Variants in IL12RB2 observed in about 807,000 individuals in gnomAD.
The protein encoded by IL12RB2 is interleukin-12 receptor subunit beta-2.
Under a neutral mutation model 89.4 loss-of-function variants are expected in IL12RB2, and 82 were observed. The observed-to-expected ratio is 0.92, with a 90% CI of 0.77 to 1.10. The LOEUF (loss-of-function observed/expected upper bound fraction) is 1.10. IL12RB2 is among the 50% of genes least tolerant of loss of function. The pLI, the probability that IL12RB2 is intolerant of heterozygous loss-of-function variation, is 0.00. For synonymous variants in IL12RB2, 368 were observed against 370.1 expected (o/e 0.99, Z 0.07); for missense variants, 963 against 1,031.9 (o/e 0.93, Z 0.92).
At chr1:67,320,990 C>T (rs1173081208) in intron 3 of IL12RB2, among the ~76,000 whole-genome samples, 1 of 150,366 alleles carries the variant, frequency 6.7e-6, no homozygotes, top group Admixed American at 6.7e-5. Flanking sequence ...AGAACATCCG[C>T]TGTTTGGTTT....
rs1267968620 is a variant in IL12RB2 at position 67,398,714 on chromosome 1, T to C, written c.*2625T>C. 6.6e-6 allele frequency among the ~76,000 whole-genome samples: 1 copy of C among 152,140 alleles called. No homozygotes were observed. The highest frequency in any genetic ancestry group is 1.5e-5 in the Non-Finnish European group (1 of 68,026). The stretch of plus-strand genomic sequence containing the variant: ...GCTACCAATAAAAAAGTAAGCATCA[T>C]GAACCCAAAAGTATCTGAGAAAGGT... On this transcript the variant is annotated 3_prime_UTR_variant, in exon 17 of 17. Transcript: ENST00000674203.
Position 67,358,690 on chromosome 1 carries a change from T to C in IL12RB2, c.1258+7601T>C, listed in dbSNP as rs192831236. ...GGATAAAAGAGAGAGAGAGAGAAGA[T>C]GCAAATAAAACACCAAGCAAAACAA... On this transcript the variant is annotated intron_variant, in intron 10 of 16. Coordinates refer to ENST00000674203, the MANE Select transcript of IL12RB2 (RefSeq NM_001374259.2). Among the ~76,000 whole-genome samples, 25 of 151,852 alleles carry C rather than the reference T, an allele frequency of 1.6e-4. No homozygotes were observed. The East Asian group carries it at 4.6e-3, about 28-fold the overall frequency.
chr1:67,386,447 G>A (rs1665156033), intron 14 of IL12RB2, 132 bp from the exon 15 acceptor site: 2 of 757,616 alleles, frequency 2.6e-6, no homozygotes, highest in Non-Finnish European at 4.9e-6. Flanking sequence ...AGACAAAAGT[G>A]AATTTACCTT....
chr1:67,360,601 G>T (rs1661926769), intron 10 of IL12RB2, among the ~76,000 whole-genome samples: 1 of 151,912 alleles, frequency 6.6e-6, no homozygotes, highest in Non-Finnish European at 1.5e-5. Context: ...TTTGAGACCA[G>T]CCTGGCCAAC....
chr1:67,351,826 A>G (rs766297626), intron 10 of IL12RB2, among the ~76,000 whole-genome samples: 24 of 152,210 alleles, frequency 1.6e-4, no homozygotes, highest in Non-Finnish European at 2.9e-4. Context: ...TTAACTTCTC[A>G]GGATAAAAGC....
intron 6 of IL12RB2, 130 bp downstream of exon 6, chr1:67,328,514 A>G: frequency 6.6e-7 from 1 of 1,510,542 alleles, no homozygotes; most frequent in Non-Finnish European, 8.9e-7. Context: ...AGCAAAAGAT[A>G]GAAGTTACTT....
chr1:67,351,500 T>C (rs1660836038), intron 10 of IL12RB2, among the ~76,000 whole-genome samples: 1 of 152,190 alleles, frequency 6.6e-6, no homozygotes, highest in South Asian at 2.1e-4. Context: ...AGTCAAAACG[T>C]CTTTTTAAAA....
intron 14 of IL12RB2, among the ~76,000 whole-genome samples, chr1:67,384,820 C>A (rs1171815061): frequency 1.3e-5 from 2 of 152,218 alleles, no homozygotes. Context: ...CAGTTCCCAA[C>A]AAGTTCCTTG....
Position 67,323,024 on chromosome 1 carries a change from C to A in IL12RB2, c.364+1135C>A, listed in dbSNP as rs1326105000. Among the ~76,000 whole-genome samples the A allele has an allele frequency of 2.6e-5, 4 of 152,186 alleles. No homozygotes were observed. The South Asian group carries it at 6.2e-4, about 24-fold the overall frequency. On this transcript the variant is annotated intron_variant, in intron 4 of 16. Transcript: ENST00000674203. ...CATGAAGAGACTAGGAAGAATTGCTCTAGCAGGCTGGCTGACCAAGCCTCA... is the reference window on the plus strand; with the variant it reads ...CATGAAGAGACTAGGAAGAATTGCTATAGCAGGCTGGCTGACCAAGCCTCA...
At chr1:67,375,825 C>T (rs754158108) in intron 13 of IL12RB2, among the ~76,000 whole-genome samples, 1 of 151,466 alleles carries the variant, frequency 6.6e-6, no homozygotes, top group African/African-American at 2.4e-5. Flanking sequence ...AGTAGAGCCA[C>T]GGCCAGCACA....
intron 9 of IL12RB2, among the ~76,000 whole-genome samples, chr1:67,346,115 G>A (rs1660190763): frequency 6.6e-6 from 1 of 152,126 alleles, no homozygotes; most frequent in Non-Finnish European, 1.5e-5. Context: ...GTAGAGCTGT[G>A]CCACCTGGGT....
chr1:67,374,818 A>G (rs558323503), intron 13 of IL12RB2, among the ~76,000 whole-genome samples: 1 of 120,220 alleles, frequency 8.3e-6, no homozygotes, highest in Non-Finnish European at 1.6e-5. Flanking sequence ...ACAGTAAGCC[A>G]TCTACTTTAA....
At chr1:67,394,451 C>T (rs550767082) in intron 16 of IL12RB2, among the ~76,000 whole-genome samples, 1 of 152,062 alleles carries the variant, frequency 6.6e-6, no homozygotes, top group South Asian at 2.1e-4. Context: ...AGCTGGTCAC[C>T]GGCAGAATGC....
intron 2 of IL12RB2, among the ~76,000 whole-genome samples, chr1:67,318,442 C>A (rs192257137): frequency 6.6e-6 from 1 of 152,044 alleles, no homozygotes. Flanking sequence ...GACATGTTGA[C>A]GGCTAGAATA....
intron 10 of IL12RB2, among the ~76,000 whole-genome samples, chr1:67,356,751 AG>A (rs745594668): frequency 2.0e-5 from 3 of 152,202 alleles, no homozygotes; most frequent in Non-Finnish European, 2.9e-5. Context: ...CTATAAAAAA[AG>A]AAAAGCCAAG....
chr1:67,395,386 T>C (rs1221351747), intron 16 of IL12RB2, among the ~76,000 whole-genome samples, 161 bp from the exon 17 acceptor site: 2 of 152,036 alleles, frequency 1.3e-5, no homozygotes, highest in East Asian at 1.9e-4. Context: ...TCCCCAACAA[T>C]GTTAACTGTT....
At chr1:67,383,841 G>A (rs1664861740) in intron 14 of IL12RB2, among the ~76,000 whole-genome samples, 1 of 152,218 alleles carries the variant, frequency 6.6e-6, no homozygotes. Flanking sequence ...TCAAAAAATT[G>A]CAACCTCAGG....
At chr1:67,311,922 A>T (rs1231377061) in intron 1 of IL12RB2, among the ~76,000 whole-genome samples, 1 of 152,210 alleles carries the variant, frequency 6.6e-6, no homozygotes, top group African/African-American at 2.4e-5. Context: ...GTTGCTTACA[A>T]GGTGAAGCAA....
At chr1:67,391,239 G>A (rs1240198941) in intron 16 of IL12RB2, among the ~76,000 whole-genome samples, 1 of 151,860 alleles carries the variant, frequency 6.6e-6, no homozygotes, top group Non-Finnish European at 1.5e-5. Flanking sequence ...TAAAGCACAT[G>A]GGTCATATAA....
Sources: allele counts gnomAD v4.1 joint callset (sites outside exome capture counted in the v4.1 genomes callset), GRCh38; gene constraint gnomAD v4.1.1; transcripts MANE v1.5; gene names NCBI Gene and HGNC (gene_info 2026-07-23, HGNC 2026-07-21).